Variants in FARS2 observed in about 807,000 individuals in gnomAD.
FARS2 encodes the protein phenylalanine--tRNA ligase, mitochondrial.
In FARS2, 40 loss-of-function variants were observed where a neutral mutation model predicts 46.4. The ratio of observed to expected loss-of-function variants is 0.86; its 90% confidence interval spans 0.67 to 1.12. The LOEUF (loss-of-function observed/expected upper bound fraction) is 1.12. Ranked by LOEUF, FARS2 falls within the 50% of genes most tolerant of loss-of-function variation. FARS2 has a pLI of 0.00. For synonymous variants in FARS2, 234 were observed against 214.9 expected (o/e 1.09, Z -0.78); for missense variants, 513 against 567.9 (o/e 0.90, Z 0.98).
chr6:5,565,352 A>T (rs1294404787), intron 5 of FARS2, among the ~76,000 whole-genome samples: 1 of 152,160 alleles, frequency 6.6e-6, no homozygotes, highest in African/African-American at 2.4e-5. Context: ...TCAGTTTTTT[A>T]TGAGCTCTGT....
intron 1 of FARS2, among the ~76,000 whole-genome samples, chr6:5,342,450 C>G (rs75577233): frequency 0.023 from 3,577 of 152,254 alleles, 149 homozygotes; most frequent in African/African-American, 0.082. Flanking sequence ...AGTTAAGTGA[C>G]TCATGGTCAA....
intron 6 of FARS2, among the ~76,000 whole-genome samples, chr6:5,747,938 T>G (rs948340891): frequency 6.6e-6 from 1 of 152,376 alleles, no homozygotes. Context: ...CTCCATTTTC[T>G]CTGATTCTAA....
chr6:5,549,052 A>G (rs1221205028), intron 5 of FARS2, among the ~76,000 whole-genome samples: 1 of 152,122 alleles, frequency 6.6e-6, no homozygotes, highest in Non-Finnish European at 1.5e-5. Flanking sequence ...AACAACATGT[A>G]TTTATTATTT....
At chr6:5,392,165 T>G (rs1760560932) in intron 2 of FARS2, among the ~76,000 whole-genome samples, 1 of 152,240 alleles carries the variant, frequency 6.6e-6, no homozygotes, top group South Asian at 2.1e-4. Flanking sequence ...ATTGGCTGAG[T>G]GATCTTACCC....
intron 5 of FARS2, among the ~76,000 whole-genome samples, chr6:5,604,196 T>C (rs1774696686): frequency 6.6e-6 from 1 of 152,120 alleles, no homozygotes; most frequent in African/African-American, 2.4e-5. Flanking sequence ...ATGTGCGAGG[T>C]TGCCAGGGGG....
chr6:5,689,473 G>A (rs986307672), intron 6 of FARS2, among the ~76,000 whole-genome samples: 14 of 152,098 alleles, frequency 9.2e-5, no homozygotes, highest in African/African-American at 3.4e-4. Context: ...AGTCATTCAG[G>A]AGCAGGTTGT....
chr6:5,569,732 C>G (rs752440385), intron 5 of FARS2, among the ~76,000 whole-genome samples: 3 of 152,080 alleles, frequency 2.0e-5, no homozygotes, highest in Non-Finnish European at 2.9e-5. Flanking sequence ...CAGAGCTGAG[C>G]CCTTTAAGAG....
chr6:5,255,756 T>C, the FARS2 span, among the ~76,000 whole-genome samples: 5 of 152,024 alleles, frequency 3.3e-5, no homozygotes, highest in South Asian at 2.1e-4. Context: ...GGCCAGCTAA[T>C]TCTTTGTTAA....
At chr6:5,468,290 C>T (rs1765620368) in intron 4 of FARS2, among the ~76,000 whole-genome samples, 1 of 151,112 alleles carries the variant, frequency 6.6e-6, no homozygotes, top group Non-Finnish European at 1.5e-5. Context: ...ATCTGTAGTA[C>T]CAGGGTTAGC....
Position 5,286,853 on chromosome 6 carries a change from T to C in FARS2, c.-22+25193T>C, listed in dbSNP as rs368130163. ...GTTTCTATATGTTAAATAATTTCCA[T>C]GTTAATTTTGGTGCCACTGCAGAAT... On this transcript the variant is annotated intron_variant, in intron 1 of 6. Transcript: ENST00000274680. Among the ~76,000 whole-genome samples, 16 of 152,328 alleles carry C rather than the reference T, an allele frequency of 1.1e-4. No homozygotes were observed. In the South Asian group the frequency reaches 1.5e-3, roughly 14 times the overall value.
intron 1 of FARS2, among the ~76,000 whole-genome samples, chr6:5,348,668 T>C (rs1754452659): frequency 6.6e-6 from 1 of 151,476 alleles, no homozygotes; most frequent in Non-Finnish European, 1.5e-5. Flanking sequence ...CTTTAAAACT[T>C]GTCTTTACGG....
At chr6:5,252,153 A>T in the FARS2 span, among the ~76,000 whole-genome samples, 2 of 152,206 alleles carry the variant, frequency 1.3e-5, no homozygotes, top group African/African-American at 4.8e-5. Context: ...TTCACCTATA[A>T]GGAGGAACTG....
rs192592056 is a variant in FARS2, at chr6:5,370,583, G to A, written c.612+1401G>A. 2.6e-4 allele frequency among the ~76,000 whole-genome samples: 39 copies of A among 152,202 alleles called. 1 individual carries two copies. The highest frequency in any genetic ancestry group is 1.5e-3 in the South Asian group (7 of 4,824). ...ACGTCCAGGTCACAGTAGCAGACAG[G>A]TGCTCAGCCCAGCTTACCTCATTAA... is the stretch of plus-strand genomic sequence containing the variant. On this transcript the variant is annotated intron_variant, in intron 2 of 6. Transcript: ENST00000274680.
At chr6:5,564,488 A>C (rs916613766) in intron 5 of FARS2, among the ~76,000 whole-genome samples, 4 of 152,206 alleles carry the variant, frequency 2.6e-5, no homozygotes, top group African/African-American at 9.6e-5. Context: ...AGTTAGTCTA[A>C]AATGTAGGCA....
intron 4 of FARS2, among the ~76,000 whole-genome samples, chr6:5,462,313 A>G (rs1450679496): frequency 1.3e-5 from 2 of 152,046 alleles, no homozygotes; most frequent in African/African-American, 2.4e-5. Flanking sequence ...TATTATATGT[A>G]TGATTGCTTA....
intron 1 of FARS2, among the ~76,000 whole-genome samples, chr6:5,295,086 C>T (rs1047793431): frequency 6.6e-6 from 1 of 152,178 alleles, no homozygotes; most frequent in Non-Finnish European, 1.5e-5. Context: ...TACCTCTTAA[C>T]ACCACAGATC....
intron 1 of FARS2, among the ~76,000 whole-genome samples, chr6:5,289,495 C>T (rs2224393): frequency 0.088 from 13,367 of 152,236 alleles, 1,027 homozygotes; most frequent in African/African-American, 0.21. Flanking sequence ...AGAGGGTTCC[C>T]ACTGGTTACT....
At chr6:5,306,114 G>A (rs995683306) in intron 1 of FARS2, among the ~76,000 whole-genome samples, 1 of 152,086 alleles carries the variant, frequency 6.6e-6, no homozygotes, top group Admixed American at 6.6e-5. Context: ...GGTTGTTAAG[G>A]GAGCATGAAC....
chr6:5,300,856 AT>A (rs1168881908), intron 1 of FARS2, among the ~76,000 whole-genome samples: 9 of 151,388 alleles, frequency 5.9e-5, no homozygotes, highest in South Asian at 2.1e-4. Context: ...TATTTAAAAA[AT>A]TTTTTTTTGT....
Sources: allele counts gnomAD v4.1 joint callset (sites outside exome capture counted in the v4.1 genomes callset), GRCh38; gene constraint gnomAD v4.1.1; transcripts MANE v1.5; gene names NCBI Gene and HGNC (gene_info 2026-07-23, HGNC 2026-07-21).